Variants in CENPP observed in about 807,000 individuals in gnomAD.
CENPP encodes the protein centromere protein P.
Under a neutral mutation model 35.6 loss-of-function variants are expected in CENPP, and 24 were observed. The observed-to-expected ratio is 0.67, with a 90% CI of 0.49 to 0.95. The LOEUF (loss-of-function observed/expected upper bound fraction) is 0.95, where lower values mean the gene tolerates loss of function less well. Among genes scored for constraint, CENPP ranks in the 40% least tolerant of loss-of-function variants. The pLI is 0.00. For missense variants in CENPP, 332 were observed against 345.3 expected, an observed-to-expected ratio of 0.96 and a Z score of 0.31; for synonymous variants, 120 against 125.5, an observed-to-expected ratio of 0.96 and a Z score of 0.29.
At chr9:92,570,854 G>A (rs975354262) in intron 5 of CENPP, among the ~76,000 whole-genome samples, 2 of 152,186 alleles carry the variant, frequency 1.3e-5, no homozygotes, top group African/African-American at 4.8e-5. Flanking sequence ...AGATTTTCTA[G>A]TTTATTTGCA....
At chr9:92,591,142 G>A (rs1487770706) in intron 5 of CENPP, among the ~76,000 whole-genome samples, 3 of 151,724 alleles carry the variant, frequency 2.0e-5, no homozygotes, top group African/African-American at 7.3e-5. Flanking sequence ...GCAGGGGGCC[G>A]GGTGCGGTGG....
intron 5 of CENPP, chr9:92,515,317 A>G (rs1847635356): frequency 7.8e-6 from 10 of 1,274,130 alleles, no homozygotes; most frequent in South Asian, 2.9e-5. Flanking sequence ...ATTTGAGTGC[A>G]ATTTAAAGAT....
At position 92,367,712 on chromosome 9, in the gene CENPP, G is replaced by C. The variant is rs934394478; in HGVS notation, c.468-12051G>C. 2.0e-5 allele frequency among the ~76,000 whole-genome samples: 3 copies of C among 152,006 alleles called. No homozygotes were observed. In the South Asian group the frequency reaches 6.2e-4, roughly 32 times the overall value. On this transcript the variant is annotated intron_variant, in intron 4 of 7. Transcript: ENST00000375587. Reference sequence around the variant, plus strand: ...GGCTCACTGCAACCTCCGCCTCCTGGGTTCAAGCGATTCTTCTGCCTCAGC... The same window carrying C: ...GGCTCACTGCAACCTCCGCCTCCTGCGTTCAAGCGATTCTTCTGCCTCAGC...
intron 5 of CENPP, among the ~76,000 whole-genome samples, chr9:92,454,244 TACAA>T (rs1336359354): frequency 3.9e-5 from 6 of 152,208 alleles, no homozygotes; most frequent in African/African-American, 1.4e-4. Flanking sequence ...AGATTGAAAA[TACAA>T]ACATAAACCT....
intron 5 of CENPP, chr9:92,417,171 G>C (rs1364787622): frequency 6.2e-7 from 1 of 1,613,790 alleles, no homozygotes; most frequent in South Asian, 1.1e-5. Flanking sequence ...TCAATCTTTT[G>C]AGATTTAATT....
chr9:92,424,701 G>A (rs1359182039), intron 5 of CENPP, among the ~76,000 whole-genome samples: 8 of 152,178 alleles, frequency 5.3e-5, no homozygotes, highest in African/African-American at 1.9e-4. Flanking sequence ...TTGAGATGGA[G>A]TCTTGCTTTG....
chr9:92,511,949 C>T, intron 5 of CENPP: 3 of 1,298,778 alleles, frequency 2.3e-6, no homozygotes, highest in Non-Finnish European at 3.2e-6. Context: ...TCCCCATCTC[C>T]AACCAATGCA....
At chr9:92,592,159 T>A (rs917580943) in intron 5 of CENPP, among the ~76,000 whole-genome samples, 2 of 152,198 alleles carry the variant, frequency 1.3e-5, no homozygotes, top group African/African-American at 2.4e-5. Context: ...TATACACTTA[T>A]ACATTTATCA....
chr9:92,510,073 C>G, intron 5 of CENPP: 2 of 1,567,942 alleles, frequency 1.3e-6, no homozygotes, highest in Non-Finnish European at 1.7e-6. Context: ...TTTATCTAGT[C>G]ACAGCTGTGC....
At chr9:92,337,425 T>G (rs1840966020) in intron 2 of CENPP, 116 bp from the exon 3 acceptor site, 1 of 588,472 alleles carries the variant, frequency 1.7e-6, no homozygotes, top group African/African-American at 1.9e-5. Flanking sequence ...TAATTGCTAA[T>G]GCACACTTTC....
chr9:92,464,863 G>T (rs536558247), intron 5 of CENPP: 2 of 1,223,346 alleles, frequency 1.6e-6, no homozygotes, highest in South Asian at 1.2e-5. Flanking sequence ...AGATTGAATC[G>T]TTATTGAAAG....
chr9:92,415,185 G>A, intron 5 of CENPP: 3 of 1,611,622 alleles, frequency 1.9e-6, no homozygotes, highest in Non-Finnish European at 2.5e-6. Flanking sequence ...GAAGGTCAAA[G>A]TGCCCTTCTG....
At chr9:92,403,381 G>A (rs901838901) in intron 5 of CENPP, 20 of 1,612,776 alleles carry the variant, frequency 1.2e-5, no homozygotes, top group Admixed American at 1.2e-4. Flanking sequence ...GCAGTAACAG[G>A]AGAAGTGTAG....
chr9:92,576,629 C>T (rs1850288963), intron 5 of CENPP, among the ~76,000 whole-genome samples: 4 of 151,958 alleles, frequency 2.6e-5, no homozygotes, highest in South Asian at 4.1e-4. Flanking sequence ...AATAGGCATA[C>T]AATGCATTAA....
At chr9:92,372,099 C>CG (rs1842022894) in intron 4 of CENPP, among the ~76,000 whole-genome samples, 2 of 30,680 alleles carry the variant, frequency 6.5e-5, no homozygotes, top group African/African-American at 2.8e-4. Context: ...TGCCAGCCAT[C>CG]TTTTTTTTTT....
chr9:92,359,191 C>T (rs369809715), intron 4 of CENPP, among the ~76,000 whole-genome samples: 4 of 151,948 alleles, frequency 2.6e-5, no homozygotes, highest in Non-Finnish European at 5.9e-5. Context: ...TCAGGTGATC[C>T]GCCTGCCTTG....
intron 4 of CENPP, among the ~76,000 whole-genome samples, chr9:92,346,195 AT>A (rs909928362): frequency 1.3e-5 from 2 of 151,340 alleles, no homozygotes; most frequent in African/African-American, 2.4e-5. Flanking sequence ...TTATTTTTGT[AT>A]TTTTTTTTAA....
At chr9:92,556,900 A>G (rs1018235032) in intron 5 of CENPP, among the ~76,000 whole-genome samples, 4 of 151,694 alleles carry the variant, frequency 2.6e-5, no homozygotes, top group African/African-American at 4.8e-5. Context: ...TTTGCTTTTT[A>G]GCTTGTATTT....
intron 5 of CENPP, among the ~76,000 whole-genome samples, chr9:92,553,857 GCAAA>G (rs1849664810): frequency 6.6e-6 from 1 of 152,136 alleles, no homozygotes; most frequent in Admixed American, 6.5e-5. Context: ...CATATTGTCA[GCAAA>G]CAGTGACAGT....
Sources: gnomAD v4.1 joint callset for allele counts (sites outside exome capture counted in the v4.1 genomes callset) on GRCh38, gnomAD v4.1.1 for gene constraint, MANE v1.5 for transcripts, NCBI Gene and HGNC (gene_info 2026-07-23, HGNC 2026-07-21) for gene names.